CAPN11: variants seen among roughly 807,000 people sequenced by gnomAD.
CAPN11 encodes calpain-11.
In CAPN11, 108 loss-of-function variants were observed where a neutral mutation model predicts 105.3. The observed-to-expected ratio is 1.03, with a 90% confidence interval of 0.88 to 1.20. The LOEUF is 1.20. CAPN11 is among the 50% of genes most tolerant of loss of function. The probability of loss-of-function intolerance (pLI) is 0.00; values close to 1 mark genes in which losing one functional copy is unlikely to be tolerated. For missense variants in CAPN11, 883 were observed against 924.8 expected (o/e 0.95, Z 0.59); for synonymous variants, 329 against 344.5 (o/e 0.96, Z 0.50).
rs398110070 is a variant in CAPN11, at chr6:44,181,417, CA to C, written c.1938+98del. The C allele has an allele frequency of 3.8e-4, 19 of 49,442 alleles. 1 individual carries two copies. The highest frequency in any genetic ancestry group is 1.3e-3 in the African/African-American group (1 of 772). 3.1% of individuals were successfully genotyped at this position (49,442 alleles called of 1,614,324 possible). On this transcript the variant is annotated intron_variant, in intron 19 of 22. Coordinates refer to ENST00000398776, the MANE Select transcript of CAPN11 (RefSeq NM_007058.4). Reference sequence around the variant, plus strand: ...GGGAAGCTAGAACCCAAGCCCTAACCACACACACACACACACCCAACCACAC... The same window carrying C: ...GGGAAGCTAGAACCCAAGCCCTAACCCACACACACACACACCCAACCACAC...
intron 1 of CAPN11, among the ~76,000 whole-genome samples, chr6:44,162,616 C>G (rs971933137): frequency 2.6e-5 from 4 of 152,152 alleles, no homozygotes; most frequent in Non-Finnish European, 5.9e-5. Flanking sequence ...TGCACCCCAC[C>G]CTCAGGGGAA....
chr6:44,165,453 C>T (rs1769638410), intron 1 of CAPN11, among the ~76,000 whole-genome samples: 1 of 152,216 alleles, frequency 6.6e-6, no homozygotes, highest in African/African-American at 2.4e-5. Context: ...GCTTCCAGTC[C>T]TTGCTTACTG....
rs1360009839 is a variant in CAPN11, at chr6:44,176,568, A to T, written c.1002-13A>T. ...CTCCGCCCCTCTCCTTCCACCGCCC[A>T]TCTCTGCTCCAGTGCCAGGGAGTGG... is the stretch of plus-strand genomic sequence containing the variant. On this transcript the variant is annotated splice_polypyrimidine_tract_variant and intron_variant, in intron 9 of 22. Coordinates refer to ENST00000398776, the MANE Select transcript of CAPN11 (RefSeq NM_007058.4). The T allele has an allele frequency of 6.2e-7, 1 of 1,611,712 alleles. No homozygotes were observed. The highest frequency in any genetic ancestry group is 1.3e-5 in the African/African-American group (1 of 74,994).
intron 1 of CAPN11, among the ~76,000 whole-genome samples, chr6:44,162,357 CTT>C (rs1561837013): frequency 1.4e-5 from 2 of 140,630 alleles, no homozygotes; most frequent in African/African-American, 5.3e-5. Flanking sequence ...CTCACAGTCT[CTT>C]TGAATAAAGA....
chr6:44,163,340 A>G (rs766519367), intron 1 of CAPN11, among the ~76,000 whole-genome samples: 25 of 152,166 alleles, frequency 1.6e-4, no homozygotes, highest in Non-Finnish European at 3.2e-4. Context: ...TGCTCCACAC[A>G]GGGGAAGTGA....
At chr6:44,162,368 GACACACACACACACACAC>G (rs57009949) in intron 1 of CAPN11, among the ~76,000 whole-genome samples, 24 of 138,750 alleles carry the variant, frequency 1.7e-4, no homozygotes, top group African/African-American at 4.3e-4. Flanking sequence ...TTTGAATAAA[GACACACACACACACACAC>G]ACACACACAC....
intron 22 of CAPN11, 47 bp downstream of exon 22, chr6:44,183,810 G>A: frequency 6.3e-7 from 1 of 1,596,088 alleles, no homozygotes; most frequent in Non-Finnish European, 8.6e-7. Context: ...GCACCTGCCT[G>A]CCCCTCAACC....
intron 19 of CAPN11, 125 bp from the exon 20 acceptor site, chr6:44,182,816 C>T (rs1367172530): frequency 1.0e-5 from 7 of 673,624 alleles, no homozygotes; most frequent in East Asian, 2.8e-5. Flanking sequence ...TCAGATGATC[C>T]GCCTGCCTCG....
At chr6:44,160,291 C>CT (rs1724228932) in intron 1 of CAPN11, among the ~76,000 whole-genome samples, 1 of 152,120 alleles carries the variant, frequency 6.6e-6, no homozygotes. Flanking sequence ...CAGATATATA[C>CT]TTTTTTTGTC....
chr6:44,181,014 T>G lies in CAPN11; in HGVS notation c.1869+17T>G. ...CTCATGGATGTATCCTCCTGTCCAG[T>G]GCTCTCTTGGCCCTGTCCCCTGCCC... On this transcript the variant is annotated intron_variant, in intron 18 of 22. Coordinates refer to ENST00000398776, the MANE Select transcript of CAPN11 (RefSeq NM_007058.4). 6.2e-7 allele frequency: 1 copy of G among 1,608,662 alleles called. No individual in the cohort carries two copies. Among genetic ancestry groups the G allele is most frequent in the South Asian group, 1.1e-5 (1 of 90,958 alleles).
At position 44,184,241 on chromosome 6, in the gene CAPN11, G is replaced by T; in HGVS notation, c.*309G>T. 2.2e-6 allele frequency: 1 copy of T among 458,160 alleles called. No homozygotes were observed. Among genetic ancestry groups the T allele is most frequent in the Non-Finnish European group, 4.0e-6 (1 of 253,096 alleles). The allele number at this position is 458,160 out of a possible 1,614,324, so 28.4% of individuals were successfully genotyped here. A position where few individuals can be genotyped will look rare whatever the true frequency, so the allele number is the denominator to read the frequency against. On this transcript the variant is annotated 3_prime_UTR_variant, in exon 23 of 23. Transcript: ENST00000398776. Reference sequence around the variant, plus strand: ...TTGATGCTTCCCCAGGGTCCCCCTGGCTGGGGAGGCCAAGAATAGGGAAGG... The same window carrying T: ...TTGATGCTTCCCCAGGGTCCCCCTGTCTGGGGAGGCCAAGAATAGGGAAGG...
At chr6:44,181,060 G>A in intron 18 of CAPN11, 63 bp downstream of exon 18, 1 of 1,438,606 alleles carries the variant, frequency 7.0e-7, no homozygotes. Context: ...CCCAGAGATG[G>A]CCACCCTGGG....
At chr6:44,180,882 C>A in intron 17 of CAPN11, 51 bp from the exon 18 acceptor site, 1 of 1,603,430 alleles carries the variant, frequency 6.2e-7, no homozygotes, top group Non-Finnish European at 8.5e-7. Context: ...AGTGCCCCCA[C>A]GATACCTCAT....
chr6:44,182,850 A>T (rs1774018042), intron 19 of CAPN11, 91 bp from the exon 20 acceptor site: 1 of 896,252 alleles, frequency 1.1e-6, no homozygotes, highest in Non-Finnish European at 1.8e-6. Flanking sequence ...CTGGGATTAC[A>T]GGCATGAGCC....
chr6:44,181,471 A>G, intron 19 of CAPN11, 151 bp downstream of exon 19: 1 of 294,032 alleles, frequency 3.4e-6, no homozygotes, highest in Non-Finnish European at 6.2e-6. Flanking sequence ...ACACACACTC[A>G]CATACAGACA....
At chr6:44,161,691 T>A (rs1182770919) in intron 1 of CAPN11, 2 of 431,060 alleles carry the variant, frequency 4.6e-6, no homozygotes, top group Non-Finnish European at 9.5e-6. Context: ...TCTGGGGAAA[T>A]GAGACAAGGG....
At chr6:44,172,849 C>A in intron 5 of CAPN11, 91 bp from the exon 6 acceptor site, 3 of 1,402,364 alleles carry the variant, frequency 2.1e-6, no homozygotes, top group Non-Finnish European at 2.9e-6. Context: ...GAGAGTGGAG[C>A]CTCTGACACT....
At chr6:44,183,621 C>T in intron 21 of CAPN11, 84 bp from the exon 22 acceptor site, 1 of 1,295,770 alleles carries the variant, frequency 7.7e-7, no homozygotes, top group Non-Finnish European at 1.1e-6. Flanking sequence ...CCTGGTGTCG[C>T]CCCTTCCTAC....
chr6:44,169,795 C>T (rs1013166903), intron 3 of CAPN11, 111 bp from the exon 4 acceptor site: 2 of 907,862 alleles, frequency 2.2e-6, no homozygotes, highest in African/African-American at 3.3e-5. Context: ...CCCTGCCCCT[C>T]ATATCTGTTC....
Sources: gnomAD v4.1 joint callset for allele counts (sites outside exome capture counted in the v4.1 genomes callset) on GRCh38, gnomAD v4.1.1 for gene constraint, MANE v1.5 for transcripts, NCBI Gene and HGNC (gene_info 2026-07-23, HGNC 2026-07-21) for gene names.